The following ZNF185 variants were observed in gnomAD, a reference collection of about 807,000 sequenced individuals.
The protein encoded by ZNF185 is zinc finger protein 185 with LIM domain, also known as zinc finger protein 185.
Under a neutral mutation model 58.6 loss-of-function variants are expected in ZNF185, and 56 were observed. The observed-to-expected ratio is 0.95, with a 90% CI of 0.77 to 1.19. The LOEUF (loss-of-function observed/expected upper bound fraction) is 1.19, where lower values mean the gene tolerates loss of function less well. ZNF185 is among the 50% of genes most tolerant of loss of function. The pLI, the probability that ZNF185 is intolerant of heterozygous loss-of-function variation, is 0.00. For synonymous variants in ZNF185, 230 were observed against 215.9 expected, an observed-to-expected ratio of 1.07 and a Z score of -0.57; for missense variants, 627 against 573.5, an observed-to-expected ratio of 1.09 and a Z score of -0.95.
intron 16 of ZNF185, among the ~76,000 whole-genome samples, chrX:152,958,154 C>A (rs185269871): frequency 2.7e-5 from 3 of 112,151 alleles, no homozygotes; most frequent in Admixed American, 1.9e-4. Context: ...GCCTCCCGGG[C>A]GTAATGTGTA....
At chrX:152,911,756 A>C, upstream of ZNF185, among the ~76,000 whole-genome samples, 1 of 49,863 alleles carries the variant, frequency 2.0e-5, no homozygotes, top group East Asian at 6.6e-4. Flanking sequence ...ATCCCATCCC[A>C]TCCCATCCCA....
At chrX:152,963,618 G>A (rs1333740081) in intron 17 of ZNF185, among the ~76,000 whole-genome samples, 1 of 112,163 alleles carries the variant, frequency 8.9e-6, no homozygotes, top group Admixed American at 9.4e-5. Context: ...AGTGGACACT[G>A]GAAGATTGGG....
chrX:152,947,237 G>A (rs782262597), intron 16 of ZNF185, among the ~76,000 whole-genome samples: 25 of 110,861 alleles, frequency 2.3e-4, no homozygotes, highest in Non-Finnish European at 4.2e-4. Flanking sequence ...AAAAACATTA[G>A]CCAGGTGTGG....
chrX:152,953,322 A>G lies in ZNF185; in HGVS notation c.1410-6377A>G, dbSNP rs145627908. On this transcript the variant is annotated intron_variant, in intron 16 of 22. Coordinates refer to ENST00000449285, the Ensembl canonical transcript of ZNF185. Reference sequence around the variant, plus strand: ...TGTCTGCGAAGATTCTTGCTCAAACAGAAAAGAACTGGGAAGAGCTCATTT... The same window carrying G: ...TGTCTGCGAAGATTCTTGCTCAAACGGAAAAGAACTGGGAAGAGCTCATTT... Among the ~76,000 whole-genome samples, 453 of 112,102 alleles carry G rather than the reference A, an allele frequency of 4.0e-3. 2 individuals are homozygous for G. The highest frequency in any genetic ancestry group is 0.013 in the African/African-American group (404 of 30,850).
At chrX:152,921,789 C>T (rs1278821892) in intron 9 of ZNF185, among the ~76,000 whole-genome samples, 2 of 110,911 alleles carry the variant, frequency 1.8e-5, no homozygotes, top group African/African-American at 6.6e-5. Context: ...CCAGTCTGTG[C>T]GTCTGTCTTC....
the ZNF185 span, among the ~76,000 whole-genome samples, chrX:152,903,685 C>T: frequency 8.9e-6 from 1 of 111,820 alleles, no homozygotes. Context: ...AGAGACATCT[C>T]CAAGGGCCCT....
intron 14 of ZNF185, among the ~76,000 whole-genome samples, chrX:152,933,665 A>G (rs73244136): frequency 0.21 from 23,343 of 111,916 alleles, 1,869 homozygotes; most frequent in Non-Finnish European, 0.24. Context: ...GTTTAGCTCC[A>G]AACTATGCTA....
At chrX:152,929,733 A>T (rs926599186) in intron 12 of ZNF185, among the ~76,000 whole-genome samples, 4 of 111,808 alleles carry the variant, frequency 3.6e-5, no homozygotes, top group African/African-American at 1.3e-4. Context: ...ACTCCCTTCC[A>T]CATCTACCTG....
At chrX:152,914,254 C>T (rs1210209443), upstream of ZNF185, among the ~76,000 whole-genome samples, 2 of 111,980 alleles carry the variant, frequency 1.8e-5, no homozygotes, top group African/African-American at 6.5e-5. Context: ...GTGGGTGTGC[C>T]GCTGGGCAGC....
the ZNF185 span, among the ~76,000 whole-genome samples, chrX:152,903,827 G>C: frequency 9.0e-6 from 1 of 111,485 alleles, no homozygotes; most frequent in Non-Finnish European, 1.9e-5. Flanking sequence ...GGGTGGCCCA[G>C]CTGCCTTCTC....
intron 12 of ZNF185, among the ~76,000 whole-genome samples, chrX:152,929,325 G>A (rs1355007094): frequency 3.6e-5 from 4 of 111,417 alleles, no homozygotes; most frequent in Non-Finnish European, 7.6e-5. Context: ...GGATTCGGGG[G>A]CTGGGGTGGA....
At chrX:152,909,165 G>A in the ZNF185 span, among the ~76,000 whole-genome samples, 4 of 112,552 alleles carry the variant, frequency 3.6e-5, no homozygotes, top group East Asian at 2.8e-4. Context: ...CCCGGAGAGC[G>A]GAGAGCTGAG....
intron 14 of ZNF185, among the ~76,000 whole-genome samples, 163 bp from the exon 17 acceptor site, chrX:152,937,911 C>G (rs1339323349): frequency 8.9e-6 from 1 of 112,802 alleles, no homozygotes; most frequent in Non-Finnish European, 1.9e-5. Context: ...GGTTGTCACA[C>G]ACAGTGGCAT....
At chrX:152,941,633 C>T in intron 15 of ZNF185, 1 of 1,145,533 alleles carries the variant, frequency 8.7e-7, no homozygotes, top group South Asian at 2.0e-5. Context: ...AGTACGCCTG[C>T]GTAGGCCGCC....
chrX:152,937,102 G>A (rs2046391291), intron 14 of ZNF185, among the ~76,000 whole-genome samples: 1 of 111,898 alleles, frequency 8.9e-6, no homozygotes, highest in African/African-American at 3.3e-5. Flanking sequence ...AGTAAGGAAC[G>A]ATCTTTCTTA....
chrX:152,951,368 T>C (rs1189368308), intron 16 of ZNF185, among the ~76,000 whole-genome samples: 1 of 99,191 alleles, frequency 1.0e-5, no homozygotes, highest in Non-Finnish European at 2.1e-5. Context: ...ATAAAAGTTT[T>C]AACCATGACA....
chrX:152,964,402 A>C (rs1312451809), intron 18 of ZNF185, among the ~76,000 whole-genome samples: 1 of 112,596 alleles, frequency 8.9e-6, no homozygotes, highest in Non-Finnish European at 1.9e-5. Flanking sequence ...GCTTCTGGCA[A>C]AGGCCTCGGG....
intron 12 of ZNF185, among the ~76,000 whole-genome samples, chrX:152,929,403 G>T (rs186398668): frequency 9.0e-6 from 1 of 111,266 alleles, no homozygotes; most frequent in East Asian, 2.8e-4. Flanking sequence ...GGGGAGAGAA[G>T]CGGGAGTGTA....
chrX:152,953,222 G>T (rs2048469032), intron 16 of ZNF185, among the ~76,000 whole-genome samples: 1 of 111,705 alleles, frequency 9.0e-6, no homozygotes, highest in African/African-American at 3.3e-5. Context: ...GGCTAAAATT[G>T]AAAAGGACCA....
Sources: allele counts gnomAD v4.1 joint callset (sites outside exome capture counted in the v4.1 genomes callset), GRCh38; gene constraint gnomAD v4.1.1; transcripts MANE v1.5; gene names NCBI Gene and HGNC (gene_info 2026-07-23, HGNC 2026-07-21).